PPA2: variants seen among roughly 807,000 people sequenced by gnomAD.
PPA2 encodes inorganic pyrophosphatase 2, also known as inorganic pyrophosphatase 2, mitochondrial.
A neutral mutation model predicts 49.5 loss-of-function variants in PPA2; 48 were observed. The ratio of observed to expected loss-of-function variants is 0.97; its 90% CI spans 0.77 to 1.23. PPA2 has a LOEUF of 1.23. Ranked by LOEUF, PPA2 falls within the 50% of genes most tolerant of loss-of-function variation. PPA2 has a pLI of 0.00. For synonymous variants in PPA2, 131 were observed against 139.9 expected, an observed-to-expected ratio of 0.94 and a Z score of 0.45; for missense variants, 429 against 410.1, an observed-to-expected ratio of 1.05 and a Z score of -0.40.
rs114277727 is a variant in PPA2 at position 105,391,130 on chromosome 4, A to G, written c.870-4494T>C. ...TGTTCTCACTTACAAGTGGGGGCTG[A>G]ACAATCAGAACACATGGACACAGGG... is the stretch of plus-strand genomic sequence containing the variant. On this transcript the variant is annotated intron_variant, in intron 9 of 11. Transcript: ENST00000341695. Among the ~76,000 whole-genome samples the G allele has an allele frequency of 8.3e-3, 1,260 of 152,224 alleles. 5 individuals are homozygous for G. The highest frequency in any genetic ancestry group is 0.012 in the Non-Finnish European group (828 of 67,994).
At chr4:105,412,421 C>T (rs1161999119) in intron 7 of PPA2, among the ~76,000 whole-genome samples, 1 of 152,148 alleles carries the variant, frequency 6.6e-6, no homozygotes, top group Non-Finnish European at 1.5e-5. Context: ...AGGACATAGG[C>T]ATGGGCAAAG....
At chr4:105,393,805 T>C (rs1734024363) in intron 9 of PPA2, among the ~76,000 whole-genome samples, 1 of 151,920 alleles carries the variant, frequency 6.6e-6, no homozygotes, top group Non-Finnish European at 1.5e-5. Flanking sequence ...TCTACAATGG[T>C]ACAGTTTAAG....
At position 105,431,189 on chromosome 4, in the gene PPA2, T is replaced by C. The variant is rs918625573; in HGVS notation, c.528+6761A>G. On this transcript the variant is annotated intron_variant, in intron 6 of 11. Transcript: ENST00000341695. ...TTGATAATAATTTTGCATGTAATTA[T>C]ATCAAAAATCATCAATTTGTGTACA... Among the ~76,000 whole-genome samples the C allele has an allele frequency of 3.9e-5, 6 of 152,328 alleles. No individual in the cohort carries two copies. In the South Asian group the frequency reaches 1.0e-3, roughly 26 times the overall value.
intron 7 of PPA2, among the ~76,000 whole-genome samples, chr4:105,399,962 C>T (rs1266643223): frequency 1.3e-5 from 2 of 152,124 alleles, no homozygotes; most frequent in Non-Finnish European, 1.5e-5. Flanking sequence ...TGAATCATCC[C>T]TTTGCCCAGT....
chr4:105,458,503 C>A (rs912153409), intron 1 of PPA2, among the ~76,000 whole-genome samples: 4 of 152,058 alleles, frequency 2.6e-5, no homozygotes, highest in South Asian at 2.1e-4. Context: ...ACAACAACAA[C>A]AAATAAGCCC....
chr4:105,442,565 A>G (rs1429287432), intron 5 of PPA2, among the ~76,000 whole-genome samples: 1 of 152,208 alleles, frequency 6.6e-6, no homozygotes, highest in South Asian at 2.1e-4. Context: ...TATTCACTCA[A>G]TGAGATGTAA....
intron 7 of PPA2, 114 bp downstream of exon 7, chr4:105,424,082 C>T (rs1015587841): frequency 1.0e-5 from 11 of 1,096,914 alleles, no homozygotes; most frequent in African/African-American, 3.3e-5. Flanking sequence ...TACATCTTTT[C>T]CTCTCTCTTT....
At chr4:105,433,536 G>A (rs1285766407) in intron 6 of PPA2, among the ~76,000 whole-genome samples, 1 of 152,200 alleles carries the variant, frequency 6.6e-6, no homozygotes, top group Non-Finnish European at 1.5e-5. Context: ...AGAAGCCACT[G>A]TGTGTTTAGC....
Position 105,416,755 on chromosome 4 carries a change from T to C in PPA2, c.655+7441A>G, listed in dbSNP as rs543044944. ...ATGTTTCCAAACTGTTCTGCATATC[T>C]ACGTTTAACATTCATGGGCTAATGA... On this transcript the variant is annotated intron_variant, in intron 7 of 11. Transcript: ENST00000341695. Among the ~76,000 whole-genome samples, 21 of 152,364 alleles carry C rather than the reference T, an allele frequency of 1.4e-4. No homozygotes were observed. The East Asian group carries it at 2.9e-3, about 21-fold the overall frequency.
intron 6 of PPA2, 115 bp downstream of exon 6, chr4:105,437,835 G>C: frequency 4.1e-6 from 3 of 727,864 alleles, no homozygotes; most frequent in Non-Finnish European, 6.5e-6. Flanking sequence ...ACTGATAACA[G>C]AGAAATCAAT....
At chr4:105,392,563 C>T (rs550847990) in intron 9 of PPA2, among the ~76,000 whole-genome samples, 2 of 151,876 alleles carry the variant, frequency 1.3e-5, no homozygotes, top group African/African-American at 2.4e-5. Context: ...ATCCTAGCTA[C>T]TTGGGAGGCT....
intron 1 of PPA2, among the ~76,000 whole-genome samples, chr4:105,466,107 G>A (rs1232256353): frequency 6.6e-6 from 1 of 151,958 alleles, no homozygotes; most frequent in Non-Finnish European, 1.5e-5. Context: ...ACCTTCTACT[G>A]ACTTACTTGT....
At chr4:105,404,031 T>G (rs191662919) in intron 7 of PPA2, among the ~76,000 whole-genome samples, 5 of 152,188 alleles carry the variant, frequency 3.3e-5, no homozygotes, top group Admixed American at 3.3e-4. Context: ...AAGTTAATAG[T>G]AATGATATGA....
At chr4:105,459,479 A>G (rs1723000505) in intron 1 of PPA2, among the ~76,000 whole-genome samples, 1 of 152,234 alleles carries the variant, frequency 6.6e-6, no homozygotes, top group East Asian at 1.9e-4. Flanking sequence ...GGAACTGAAA[A>G]TGGTGCACTT....
chr4:105,417,265 C>G (rs1438986524), intron 7 of PPA2, among the ~76,000 whole-genome samples: 1 of 152,144 alleles, frequency 6.6e-6, no homozygotes, highest in Non-Finnish European at 1.5e-5. Context: ...TTAATTTAAA[C>G]TGGGTTTCCC....
chr4:105,395,350 C>T (rs1446868141), intron 9 of PPA2, among the ~76,000 whole-genome samples: 4 of 125,608 alleles, frequency 3.2e-5, no homozygotes, highest in African/African-American at 4.9e-5. Context: ...GGGACTCTAT[C>T]GTATTCATAG....
intron 4 of PPA2, among the ~76,000 whole-genome samples, chr4:105,448,429 A>G (rs916461005): frequency 6.6e-6 from 1 of 152,160 alleles, no homozygotes; most frequent in Non-Finnish European, 1.5e-5. Flanking sequence ...GAAGGTTTAT[A>G]TAACTAAACA....
In PPA2 at chr4:105,395,959, C is replaced by T. The variant is rs2636706; in HGVS notation, c.869+290G>A. 0.37 allele frequency among the ~76,000 whole-genome samples: 56,892 copies of T among 151,890 alleles called. 12,615 individuals are homozygous for T. The highest frequency in any genetic ancestry group is 0.68 in the East Asian group (3,533 of 5,186). On this transcript the variant is annotated intron_variant, in intron 9 of 11. Coordinates refer to ENST00000341695, the MANE Select transcript of PPA2 (RefSeq NM_176869.3). Reference sequence around the variant, plus strand: ...GGTAGTTATTAGATTTTAAAGAAACCGCATAGATTTACATGCTGAAAAATT... The same window carrying T: ...GGTAGTTATTAGATTTTAAAGAAACTGCATAGATTTACATGCTGAAAAATT...
At chr4:105,382,507 G>C (rs1259727581) in intron 10 of PPA2, among the ~76,000 whole-genome samples, 11 of 152,006 alleles carry the variant, frequency 7.2e-5, no homozygotes, top group African/African-American at 2.4e-4. Flanking sequence ...TTATCTGAAA[G>C]GCAAATCATG....
Sources: gnomAD v4.1 joint callset for allele counts (sites outside exome capture counted in the v4.1 genomes callset) on GRCh38, gnomAD v4.1.1 for gene constraint, MANE v1.5 for transcripts, NCBI Gene and HGNC (gene_info 2026-07-23, HGNC 2026-07-21) for gene names.